PAM: variants seen among roughly 807,000 people sequenced by gnomAD.
PAM encodes peptidylglycine alpha-amidating monooxygenase.
In PAM, 72 loss-of-function variants were observed where a neutral mutation model predicts 122.1. The observed-to-expected ratio is 0.59, with a 90% CI of 0.49 to 0.72. The LOEUF is 0.72. Among genes scored for constraint, PAM ranks in the 30% least tolerant of loss-of-function variants. PAM has a pLI of 0.00. For synonymous variants in PAM, 389 were observed against 404.4 expected, an observed-to-expected ratio of 0.96 and a Z score of 0.46; for missense variants, 1,106 against 1,183.7, an observed-to-expected ratio of 0.93 and a Z score of 0.96.
chr5:102,961,487 T>C (rs1762477824), intron 14 of PAM, among the ~76,000 whole-genome samples: 2 of 151,956 alleles, frequency 1.3e-5, no homozygotes, highest in South Asian at 4.1e-4. Flanking sequence ...ATTATAATTT[T>C]TATGTATAGT....
At chr5:102,833,481 G>T (rs2150466406) in intron 1 of PAM, among the ~76,000 whole-genome samples, 1 of 152,246 alleles carries the variant, frequency 6.6e-6, no homozygotes, top group South Asian at 2.1e-4. Context: ...GAATAATGTG[G>T]AAGGGAAAGA....
intron 4 of PAM, among the ~76,000 whole-genome samples, chr5:102,903,262 C>T (rs1180986429): frequency 6.6e-6 from 1 of 151,472 alleles, no homozygotes; most frequent in African/African-American, 2.4e-5. Context: ...GTTGTTTCAT[C>T]TTCTGTGTGA....
rs188886917 is a variant in PAM at position 102,959,106 on chromosome 5, T to C, written c.906-769T>C. ...AAACTATTAGATATTTTTTCTATCA[T>C]TGGGAACTTTTTTCTTGGAAATATC... On this transcript the variant is annotated intron_variant, in intron 12 of 25. Transcript: ENST00000438793. Among the ~76,000 whole-genome samples the C allele has an allele frequency of 3.9e-5, 6 of 152,292 alleles. 1 individual carries two copies. The highest frequency in any genetic ancestry group is 4.1e-4 in the South Asian group (2 of 4,830).
intron 21 of PAM, among the ~76,000 whole-genome samples, chr5:103,016,918 A>G (rs1179460139): frequency 3.9e-5 from 6 of 152,202 alleles, no homozygotes; most frequent in Non-Finnish European, 8.8e-5. Context: ...TAATACCTAG[A>G]CTTTTTTACT....
intron 1 of PAM, among the ~76,000 whole-genome samples, chr5:102,841,681 T>C (rs769938655): frequency 1.8e-4 from 27 of 152,188 alleles, no homozygotes; most frequent in African/African-American, 5.8e-4. Context: ...CCTGAAAGTA[T>C]TTATAAATTT....
At chr5:103,019,288 T>C (rs1196068625) in intron 22 of PAM, among the ~76,000 whole-genome samples, 1 of 152,238 alleles carries the variant, frequency 6.6e-6, no homozygotes, top group Non-Finnish European at 1.5e-5. Context: ...GGCATTCAGC[T>C]TCAAAATAGA....
intron 1 of PAM, among the ~76,000 whole-genome samples, chr5:102,769,190 T>C (rs532577546): frequency 6.6e-6 from 1 of 152,194 alleles, no homozygotes; most frequent in Non-Finnish European, 1.5e-5. Flanking sequence ...ATTTTTTAAC[T>C]GGATTATCAG....
At chr5:102,940,151 TACACACAC>T (rs1000380962) in intron 7 of PAM, among the ~76,000 whole-genome samples, 5 of 134,726 alleles carry the variant, frequency 3.7e-5, no homozygotes, top group Non-Finnish European at 8.0e-5. Flanking sequence ...CACACACACA[TACACACAC>T]ACACATATAT....
chr5:102,840,486 G>A lies in PAM; in HGVS notation c.-373-25337G>A, dbSNP rs1348613312. On this transcript the variant is annotated intron_variant, in intron 1 of 25. Coordinates refer to ENST00000438793, the MANE Select transcript of PAM (RefSeq NM_001177306.2). Reference sequence around the variant, plus strand: ...TAATAAATTGGGTTTCACAAATTTTGCTTTTACTGGTATATAGATTATGTA... The same window carrying A: ...TAATAAATTGGGTTTCACAAATTTTACTTTTACTGGTATATAGATTATGTA... 2.0e-5 allele frequency among the ~76,000 whole-genome samples: 3 copies of A among 152,196 alleles called. No homozygotes were observed. The East Asian group carries it at 5.8e-4, about 29-fold the overall frequency.
rs533431388 is a variant in PAM at position 102,908,244 on chromosome 5, G to C, written c.269-5690G>C. Among the ~76,000 whole-genome samples the C allele has an allele frequency of 3.1e-4, 47 of 152,056 alleles. No individual in the cohort carries two copies. In the South Asian group the frequency reaches 9.8e-3, roughly 32 times the overall value. ...TTAAATAGGGAGTCCTTTCCCCATT[G>C]CTTGTTTTTCTCAGGTTTGTCAAAG... On this transcript the variant is annotated intron_variant, in intron 4 of 25. Transcript: ENST00000438793.
At chr5:102,837,478 T>G (rs1777410181) in intron 1 of PAM, among the ~76,000 whole-genome samples, 1 of 152,218 alleles carries the variant, frequency 6.6e-6, no homozygotes, top group Non-Finnish European at 1.5e-5. Flanking sequence ...ATAAGTTGTT[T>G]AAACTTACAC....
intron 1 of PAM, among the ~76,000 whole-genome samples, chr5:102,849,630 A>T (rs981282209): frequency 2.6e-5 from 4 of 152,036 alleles, no homozygotes; most frequent in Non-Finnish European, 5.9e-5. Flanking sequence ...TACTTGGTTC[A>T]GTGGAGAGCA....
chr5:102,772,674 A>G (rs1756125460), intron 1 of PAM, among the ~76,000 whole-genome samples: 1 of 152,158 alleles, frequency 6.6e-6, no homozygotes, highest in Non-Finnish European at 1.5e-5. Flanking sequence ...TATAGCACTT[A>G]TACAGCTATA....
chr5:102,796,312 T>C (rs1580226462), intron 1 of PAM, among the ~76,000 whole-genome samples: 1 of 152,268 alleles, frequency 6.6e-6, no homozygotes, highest in Admixed American at 6.5e-5. Context: ...CTAGGACTCA[T>C]AGATCGATCT....
intron 7 of PAM, among the ~76,000 whole-genome samples, chr5:102,939,760 T>C (rs1754484946): frequency 6.6e-6 from 1 of 152,102 alleles, no homozygotes; most frequent in South Asian, 2.1e-4. Context: ...AGGGACTACA[T>C]GCATACATAG....
At chr5:102,914,145 AT>A (rs1802403691) in intron 5 of PAM, 124 bp downstream of exon 5, 1 of 632,108 alleles carries the variant, frequency 1.6e-6, no homozygotes, top group Non-Finnish European at 2.9e-6. Flanking sequence ...GAAAAAGAAC[AT>A]TGTTCATTGT....
chr5:103,028,033 T>C (rs974056397), intron 24 of PAM, 152 bp from the exon 25 acceptor site: 2 of 616,772 alleles, frequency 3.2e-6, no homozygotes, highest in Non-Finnish European at 5.8e-6. Context: ...CTCAGAAATA[T>C]ACCGCCTTTC....
intron 1 of PAM, among the ~76,000 whole-genome samples, chr5:102,768,504 C>CTTCCT (rs397838501): frequency 2.0e-5 from 3 of 151,996 alleles, no homozygotes; most frequent in Admixed American, 6.6e-5. Context: ...CTCCACTTCC[C>CTTCCT]GGTCTCTGGT....
intron 4 of PAM, among the ~76,000 whole-genome samples, chr5:102,912,111 A>G (rs964186903): frequency 3.9e-5 from 6 of 152,030 alleles, no homozygotes; most frequent in Non-Finnish European, 8.8e-5. Context: ...TAATTCTTGG[A>G]ATAAACTGCA....
Sources: gnomAD v4.1 joint callset for allele counts (sites outside exome capture counted in the v4.1 genomes callset) on GRCh38, gnomAD v4.1.1 for gene constraint, MANE v1.5 for transcripts, NCBI Gene and HGNC (gene_info 2026-07-23, HGNC 2026-07-21) for gene names.